PCSK6: variants seen among roughly 807,000 people sequenced by gnomAD.
The protein encoded by PCSK6 is proprotein convertase subtilisin/kexin type 6, also known as paired basic amino acid cleaving enzyme 4.
A neutral mutation model predicts 123.3 loss-of-function variants in PCSK6; 85 were observed. The ratio of observed to expected loss-of-function variants is 0.69; its 90% CI spans 0.58 to 0.83. PCSK6 has a LOEUF of 0.83. PCSK6 is among the 40% of genes least tolerant of loss of function. The probability of loss-of-function intolerance (pLI) is 0.00; values close to 1 mark genes in which losing one functional copy is unlikely to be tolerated. For synonymous variants in PCSK6, 508 were observed against 516.0 expected (o/e 0.98, Z 0.21); for missense variants, 1,191 against 1,282.3 (o/e 0.93, Z 1.09).
intron 13 of PCSK6, among the ~76,000 whole-genome samples, chr15:101,335,702 T>G (rs2040462850): frequency 6.6e-6 from 1 of 152,262 alleles, no homozygotes; most frequent in Non-Finnish European, 1.5e-5. Context: ...AACAATCCCC[T>G]ACTCATGGAC....
At chr15:101,374,287 A>AT (rs35543862) in intron 11 of PCSK6, among the ~76,000 whole-genome samples, 47,710 of 150,936 alleles carry the variant, frequency 0.32, 7,798 homozygotes, top group Admixed American at 0.43. Flanking sequence ...GCCTCCTCCT[A>AT]TTTTTTTTTC....
At chr15:101,451,689 G>T (rs1567231051) in intron 1 of PCSK6, among the ~76,000 whole-genome samples, 1 of 152,248 alleles carries the variant, frequency 6.6e-6, no homozygotes, top group Non-Finnish European at 1.5e-5. Flanking sequence ...GCCGGCATCT[G>T]CCGAGGGCCT....
At chr15:101,480,529 G>A (rs2057850027) in intron 1 of PCSK6, among the ~76,000 whole-genome samples, 1 of 152,252 alleles carries the variant, frequency 6.6e-6, no homozygotes, top group Non-Finnish European at 1.5e-5. Context: ...CCTGACAGCT[G>A]ATGGCTATTC....
At chr15:101,369,862 C>A (rs375466760) in intron 12 of PCSK6, among the ~76,000 whole-genome samples, 14 of 152,326 alleles carry the variant, frequency 9.2e-5, no homozygotes, top group Admixed American at 3.3e-4. Context: ...TCTGTATTCC[C>A]GGGACAGGCC....
In PCSK6 at chr15:101,399,775, C is replaced by T. The variant is rs576949088; in HGVS notation, c.824-1199G>A. ...GGCTCAGAGAATCTTGCCACCCGAC[C>T]CTGGGTCAACTCTCTTCATGGCCAC... On this transcript the variant is annotated intron_variant, in intron 6 of 21. Coordinates refer to ENST00000611716, the MANE Select transcript of PCSK6 (RefSeq NM_002570.5). Among the ~76,000 whole-genome samples, 3 of 152,054 alleles carry T rather than the reference C, an allele frequency of 2.0e-5. No homozygotes were observed. In the East Asian group the frequency reaches 5.8e-4, roughly 30 times the overall value.
chr15:101,384,565 A>G, intron 9 of PCSK6, 140 bp from the exon 10 acceptor site: 1 of 556,466 alleles, frequency 1.8e-6, no homozygotes, highest in Admixed American at 3.2e-5. Flanking sequence ...ATTCCTTGGC[A>G]AGGGTTTATT....
chr15:101,485,986 G>A (rs557510174), intron 1 of PCSK6, among the ~76,000 whole-genome samples: 2 of 136,818 alleles, frequency 1.5e-5, no homozygotes, highest in South Asian at 2.4e-4. Context: ...TTTTTGAGAC[G>A]GAGTTTCACT....
chr15:101,325,165 C>T, intron 16 of PCSK6, 119 bp from the exon 17 acceptor site: 1 of 696,564 alleles, frequency 1.4e-6, no homozygotes. Flanking sequence ...ACATGATGCC[C>T]TTTGTCTTGG....
At chr15:101,341,620 C>G (rs902492589) in intron 13 of PCSK6, among the ~76,000 whole-genome samples, 11 of 152,048 alleles carry the variant, frequency 7.2e-5, no homozygotes, top group Non-Finnish European at 1.6e-4. Flanking sequence ...AATTCTATAT[C>G]CAGTGAAAAT....
intron 13 of PCSK6, among the ~76,000 whole-genome samples, chr15:101,349,990 C>A (rs1219743249): frequency 2.0e-5 from 3 of 152,064 alleles, no homozygotes; most frequent in African/African-American, 7.2e-5. Context: ...CTCACTGCAA[C>A]CTCCACCTCC....
intron 1 of PCSK6, among the ~76,000 whole-genome samples, chr15:101,472,032 A>T (rs555719586): frequency 3.1e-5 from 2 of 64,002 alleles, no homozygotes; most frequent in East Asian, 5.4e-4. Flanking sequence ...CGAAATTGTG[A>T]TAAAAAAAAG....
chr15:101,385,444 C>T (rs2042032681), intron 9 of PCSK6, among the ~76,000 whole-genome samples: 1 of 152,168 alleles, frequency 6.6e-6, no homozygotes, highest in Non-Finnish European at 1.5e-5. Context: ...GAACTTGGTC[C>T]TGTCTATTCA....
intron 6 of PCSK6, among the ~76,000 whole-genome samples, chr15:101,405,211 T>C (rs906416825): frequency 6.6e-6 from 1 of 152,174 alleles, no homozygotes; most frequent in Non-Finnish European, 1.5e-5. Context: ...ATTTCTCTAA[T>C]GAGAAAAGAA....
chr15:101,411,235 G>A (rs1108994), intron 6 of PCSK6, among the ~76,000 whole-genome samples: 45,397 of 151,892 alleles, frequency 0.3, 7,626 homozygotes, highest in African/African-American at 0.47. Context: ...CAGGCTGGGC[G>A]TGCAAGGACA....
chr15:101,453,759 C>T (rs1466290539), intron 1 of PCSK6, among the ~76,000 whole-genome samples: 2 of 152,184 alleles, frequency 1.3e-5, no homozygotes, highest in Non-Finnish European at 2.9e-5. Flanking sequence ...TTTTTTCTTT[C>T]TGAGTATGCG....
intron 13 of PCSK6, among the ~76,000 whole-genome samples, chr15:101,336,538 T>C (rs1301741806): frequency 6.6e-6 from 1 of 152,258 alleles, no homozygotes; most frequent in Non-Finnish European, 1.5e-5. Context: ...TCTCTCATTA[T>C]ATGAGAAACG....
At chr15:101,420,571 C>T (rs1268153995) in intron 6 of PCSK6, among the ~76,000 whole-genome samples, 1 of 152,084 alleles carries the variant, frequency 6.6e-6, no homozygotes, top group Non-Finnish European at 1.5e-5. Context: ...ACTATGTTGA[C>T]CAGGTTGGTC....
intron 6 of PCSK6, among the ~76,000 whole-genome samples, chr15:101,401,570 G>A (rs1020862480): frequency 3.3e-5 from 5 of 152,178 alleles, no homozygotes; most frequent in African/African-American, 9.7e-5. Context: ...CATGCCACAG[G>A]TGAAGACCTT....
chr15:101,477,872 C>T (rs981988282), intron 1 of PCSK6, among the ~76,000 whole-genome samples: 6 of 152,232 alleles, frequency 3.9e-5, no homozygotes, highest in African/African-American at 1.4e-4. Flanking sequence ...GACTCTTAGA[C>T]TCTACATCAA....
Sources: gnomAD v4.1 joint callset for allele counts (sites outside exome capture counted in the v4.1 genomes callset) on GRCh38, gnomAD v4.1.1 for gene constraint, MANE v1.5 for transcripts, NCBI Gene and HGNC (gene_info 2026-07-23, HGNC 2026-07-21) for gene names.